The following IQSEC3 variants were observed in gnomAD, a reference collection of about 807,000 sequenced individuals.
IQSEC3 encodes IQ motif and Sec7 domain ArfGEF 3, also known as IQ motif and SEC7 domain-containing protein 3.
IQSEC3 carries 50 observed loss-of-function variants against 105.4 expected under a neutral mutation model. That is an observed-to-expected ratio of 0.47 (90% confidence interval 0.38 to 0.60). The LOEUF is 0.60. Among genes scored for constraint, IQSEC3 ranks in the 20% least tolerant of loss-of-function variants. IQSEC3 has a pLI of 0.00. For synonymous variants in IQSEC3, 708 were observed against 746.0 expected, an observed-to-expected ratio of 0.95 and a Z score of 0.83; for missense variants, 1,415 against 1,630.0, an observed-to-expected ratio of 0.87 and a Z score of 2.27.
chr12:104,648 C>A (rs1222939451), intron 2 of IQSEC3, among the ~76,000 whole-genome samples: 1 of 152,242 alleles, frequency 6.6e-6, no homozygotes, highest in Non-Finnish European at 1.5e-5. Flanking sequence ...CACTTCCTCC[C>A]GGGCCGCCCG....
intron 1 of IQSEC3, among the ~76,000 whole-genome samples, chr12:71,799 C>A (rs555165331): frequency 1.3e-5 from 2 of 152,250 alleles, no homozygotes; most frequent in African/African-American, 4.8e-5. Context: ...ATGGCCCATG[C>A]TCATCAATCT....
At chr12:140,103 C>T (rs1449204706) in intron 4 of IQSEC3, 1 of 152,246 alleles carries the variant, frequency 6.6e-6, no homozygotes. Flanking sequence ...TCTCCCCGGC[C>T]CTAATGCGTG....
At chr12:93,815 G>C (rs1864167055) in intron 1 of IQSEC3, among the ~76,000 whole-genome samples, 1 of 152,122 alleles carries the variant, frequency 6.6e-6, no homozygotes, top group Non-Finnish European at 1.5e-5. Flanking sequence ...TGGGGAGTTG[G>C]GGGTGAGTGA....
At chr12:123,731 AGGTCCCTCCTCTGGTGT>A (rs1490376984) in intron 2 of IQSEC3, among the ~76,000 whole-genome samples, 23 of 151,988 alleles carry the variant, frequency 1.5e-4, no homozygotes, top group Admixed American at 1.2e-3. Flanking sequence ...CCGCAGGAAG[AGGTCCCTCCTCTGGTGT>A]CATTTGGCCC....
At chr12:156,165 C>T (rs1183536840) in intron 5 of IQSEC3, among the ~76,000 whole-genome samples, 1 of 151,996 alleles carries the variant, frequency 6.6e-6, no homozygotes, top group Non-Finnish European at 1.5e-5. Flanking sequence ...ACCCCACACC[C>T]CCACCCACAC....
At chr12:156,269 C>G (rs1294384289) in intron 5 of IQSEC3, among the ~76,000 whole-genome samples, 1 of 152,198 alleles carries the variant, frequency 6.6e-6, no homozygotes, top group African/African-American at 2.4e-5. Context: ...GGACTCCAGC[C>G]TCCTCCCTTT....
chr12:114,569 C>G (rs1555080251), intron 2 of IQSEC3, among the ~76,000 whole-genome samples: 2 of 152,188 alleles, frequency 1.3e-5, no homozygotes, highest in African/African-American at 4.8e-5. Flanking sequence ...AAGCTAAAGA[C>G]CCGGATGAAT....
chr12:170,942 G>T (rs1377905026), intron 12 of IQSEC3, among the ~76,000 whole-genome samples, 170 bp from the exon 13 acceptor site: 2 of 152,186 alleles, frequency 1.3e-5, no homozygotes, highest in African/African-American at 4.8e-5. Context: ...GTAGCATCTC[G>T]CCCAGGTCAC....
At chr12:164,107 A>G (rs1555097413) in intron 9 of IQSEC3, among the ~76,000 whole-genome samples, 1 of 152,140 alleles carries the variant, frequency 6.6e-6, no homozygotes. Flanking sequence ...TATCCATTCA[A>G]CAAATATTTG....
chr12:80,089 A>G (rs1268679290), intron 1 of IQSEC3, among the ~76,000 whole-genome samples: 1 of 152,202 alleles, frequency 6.6e-6, no homozygotes, highest in Non-Finnish European at 1.5e-5. Flanking sequence ...TTTGGAAGGC[A>G]AGTAATTATT....
At position 70,783 on chromosome 12, in the gene IQSEC3, A is replaced by G. The variant is rs1191507730; in HGVS notation, c.554+3347A>G. Reference sequence around the variant, plus strand: ...ATGTCTCCAAGGCCACAGGCAGATGATTGCTGGAGGATAAATTCTTGCATC... The same window carrying G: ...ATGTCTCCAAGGCCACAGGCAGATGGTTGCTGGAGGATAAATTCTTGCATC... On this transcript the variant is annotated intron_variant, in intron 1 of 13. Coordinates refer to ENST00000538872, the MANE Select transcript of IQSEC3 (RefSeq NM_001170738.2). Among the ~76,000 whole-genome samples the G allele has an allele frequency of 3.3e-5, 5 of 152,398 alleles. No individual in the cohort carries two copies. The East Asian group carries it at 9.6e-4, about 29-fold the overall frequency.
At chr12:91,620 CAAAA>C (rs1864088739) in intron 1 of IQSEC3, among the ~76,000 whole-genome samples, 1 of 152,020 alleles carries the variant, frequency 6.6e-6, no homozygotes, top group African/African-American at 2.4e-5. Flanking sequence ...ACAAAAAAGT[CAAAA>C]AGAAAGTATC....
intron 2 of IQSEC3, among the ~76,000 whole-genome samples, chr12:105,391 A>G (rs1864614267): frequency 6.6e-6 from 1 of 152,096 alleles, no homozygotes; most frequent in South Asian, 2.1e-4. Context: ...ACAGAGTGGC[A>G]CCTGCACAGA....
At position 109,286 on chromosome 12, in the gene IQSEC3, C is replaced by T. The variant is rs77870538; in HGVS notation, c.623+10072C>T. 5.6e-3 allele frequency among the ~76,000 whole-genome samples: 854 copies of T among 152,322 alleles called. 13 individuals are homozygous for T. The highest frequency in any genetic ancestry group is 0.02 in the African/African-American group (825 of 41,566). On this transcript the variant is annotated intron_variant, in intron 2 of 13. Transcript: ENST00000538872. ...TCGAGCAGCTGCAGAGGTGTGCCCT[C>T]TTCAGTTAGCCACAGTCCCCATCCA...
rs1353193484 is a variant in IQSEC3, at chr12:175,021, G to A, written c.3537G>A (p.Arg1179=). 5 of 1,551,930 alleles carry A rather than the reference G, an allele frequency of 3.2e-6. No homozygotes were observed. The highest frequency in any genetic ancestry group is 4.3e-6 in the Non-Finnish European group (5 of 1,156,756). ...GGCACCGCTACTCCAGTGGCTCAAG[G>A]AGCCTGGTGTAGACTCTGCCCCACC... ...LHGHRYSSGS[R]SLV Residue 1179 remains arginine (R), a synonymous_variant, in exon 14 of 14, where the codon AGG becomes AGA. Coordinates refer to ENST00000538872, the MANE Select transcript of IQSEC3 (RefSeq NM_001170738.2).
intron 5 of IQSEC3, among the ~76,000 whole-genome samples, chr12:147,544 G>C (rs1172134493): frequency 6.6e-6 from 1 of 152,092 alleles, no homozygotes; most frequent in Non-Finnish European, 1.5e-5. Flanking sequence ...CAGCCTCCGT[G>C]CGTCATTCCA....
chr12:154,167 G>A (rs959309062), intron 5 of IQSEC3, among the ~76,000 whole-genome samples: 4 of 152,166 alleles, frequency 2.6e-5, no homozygotes, highest in Non-Finnish European at 4.4e-5. Flanking sequence ...CCCCCATCCC[G>A]GTCCTTGGCT....
At chr12:160,054 A>G (rs1415181057) in intron 7 of IQSEC3, among the ~76,000 whole-genome samples, 2 of 149,326 alleles carry the variant, frequency 1.3e-5, no homozygotes, top group Non-Finnish European at 3.0e-5. Flanking sequence ...CCTCTTTTAT[A>G]GCATTTTATT....
At chr12:86,851 C>T (rs782708519) in intron 1 of IQSEC3, among the ~76,000 whole-genome samples, 2 of 151,990 alleles carry the variant, frequency 1.3e-5, no homozygotes, top group Non-Finnish European at 2.9e-5. Flanking sequence ...TGTGATTCCA[C>T]ACCCATCTTT....
Sources: allele counts gnomAD v4.1 joint callset (sites outside exome capture counted in the v4.1 genomes callset), GRCh38; gene constraint gnomAD v4.1.1; transcripts MANE v1.5; gene names NCBI Gene and HGNC (gene_info 2026-07-23, HGNC 2026-07-21).